Variants in PGBD2 observed in about 807,000 individuals in gnomAD.
The protein encoded by PGBD2 is piggyBac transposable element-derived protein 2.
In PGBD2, 6 loss-of-function variants were observed where a neutral mutation model predicts 8.1. That is an observed-to-expected ratio of 0.74 (90% CI 0.40 to 1.46). The LOEUF (loss-of-function observed/expected upper bound fraction) is 1.46. PGBD2 is among the 40% of genes most tolerant of loss of function. PGBD2 has a pLI of 0.02. For synonymous variants in PGBD2, 318 were observed against 272.2 expected (o/e 1.17, Z -1.66); for missense variants, 802 against 739.0 (o/e 1.09, Z -0.99).
At chr1:248,913,415 T>G (rs1231882279) in intron 1 of PGBD2, among the ~76,000 whole-genome samples, 1 of 152,224 alleles carries the variant, frequency 6.6e-6, no homozygotes, top group Non-Finnish European at 1.5e-5. Flanking sequence ...GTAGTTCATT[T>G]TTTTAAACTT....
chr1:248,888,038 A>T, the PGBD2 span, among the ~76,000 whole-genome samples: 1 of 152,172 alleles, frequency 6.6e-6, no homozygotes, highest in Non-Finnish European at 1.5e-5. Context: ...GTGTTAATTC[A>T]CTTAGGATAA....
At chr1:248,922,000 G>T (rs1405263099), downstream of PGBD2, among the ~76,000 whole-genome samples, 1 of 151,924 alleles carries the variant, frequency 6.6e-6, no homozygotes, top group Non-Finnish European at 1.5e-5. Context: ...AGACTTTGCT[G>T]ATGTTGCCTA....
At chr1:248,900,406 G>A in the PGBD2 span, among the ~76,000 whole-genome samples, 54 of 152,288 alleles carry the variant, frequency 3.5e-4, no homozygotes, top group African/African-American at 1.2e-3. Flanking sequence ...TGATCAAGTT[G>A]TCTTCATCCC....
chr1:248,916,956 G>T lies in PGBD2; in HGVS notation c.372G>T (p.Trp124Cys). The T allele has an allele frequency of 6.2e-7, 1 of 1,613,494 alleles. No homozygotes were observed. The highest frequency in any genetic ancestry group is 8.5e-7 in the Non-Finnish European group (1 of 1,179,740). The part of the protein sequence containing the change: ...KRDIRPDFGS[W>C]TASDPHIEDL... ...ATATTCGTCCAGACTTTGGCAGTTGGACTGCATCAGATCCTCATATTGAGG... is the reference window on the plus strand; with the variant it reads ...ATATTCGTCCAGACTTTGGCAGTTGTACTGCATCAGATCCTCATATTGAGG... Residue 124 changes from tryptophan (W) to cysteine (C), a missense_variant, in exon 3 of 3, where the codon TGG becomes TGT. By Grantham distance (215) the Trp-to-Cys change is radical. Coordinates refer to ENST00000329291, the MANE Select transcript of PGBD2 (RefSeq NM_170725.3).
upstream of PGBD2, among the ~76,000 whole-genome samples, chr1:248,902,854 C>A (rs1246801811): frequency 1.3e-5 from 2 of 152,178 alleles, no homozygotes; most frequent in African/African-American, 4.8e-5. Flanking sequence ...ACAGTGGGGC[C>A]TGTCAGGGAC....
chr1:248,893,922 A>G, the PGBD2 span, among the ~76,000 whole-genome samples: 2 of 151,864 alleles, frequency 1.3e-5, no homozygotes, highest in Admixed American at 6.6e-5. Flanking sequence ...TTGTTAATTG[A>G]TTGATTGATT....
At chr1:248,893,467 G>A in the PGBD2 span, among the ~76,000 whole-genome samples, 3 of 152,154 alleles carry the variant, frequency 2.0e-5, no homozygotes, top group Non-Finnish European at 4.4e-5. Context: ...GAGGAATCAG[G>A]CAGTATCTGT....
chr1:248,928,318 T>C, the PGBD2 span, among the ~76,000 whole-genome samples: 1 of 152,212 alleles, frequency 6.6e-6, no homozygotes, highest in Non-Finnish European at 1.5e-5. Context: ...ACAAAGCCAC[T>C]TCCTTATGGA....
chr1:248,892,388 T>C, the PGBD2 span, among the ~76,000 whole-genome samples: 1 of 151,712 alleles, frequency 6.6e-6, no homozygotes, highest in South Asian at 2.1e-4. Flanking sequence ...GTAACGGTCA[T>C]AGAGGGACTT....
chr1:248,923,750 G>A (rs781140254), downstream of PGBD2, among the ~76,000 whole-genome samples: 5 of 152,196 alleles, frequency 3.3e-5, no homozygotes, highest in Admixed American at 1.3e-4. Context: ...AGTCCAAGAT[G>A]CAGGACTTTG....
chr1:248,922,883 G>A (rs182342150), downstream of PGBD2, among the ~76,000 whole-genome samples: 187 of 152,230 alleles, frequency 1.2e-3, no homozygotes, highest in African/African-American at 4.4e-3. Context: ...GGATTTTTGC[G>A]TTGATGTTCA....
At chr1:248,896,451 C>A in the PGBD2 span, among the ~76,000 whole-genome samples, 6 of 152,060 alleles carry the variant, frequency 3.9e-5, no homozygotes, top group Middle Eastern at 3.4e-3. Context: ...TATGGATATT[C>A]TTTTTCTTTT....
chr1:248,917,466 C>A lies in PGBD2; in HGVS notation c.882C>A (p.Tyr294Ter), dbSNP rs1444330934. Residue 294 changes from tyrosine (Y) to a stop codon, truncating the protein, a stop_gained, in exon 3 of 3, where the codon TAC becomes TAA. Transcript: ENST00000329291. LOFTEE classifies it low-confidence loss of function (END_TRUNC). ...GGGGGAAGCCTGTGCGACTTGGCTA[C>A]AAGATTTGGTGTGGGACAACCAGCA... ...LHRGKPVRLGYKIWCGTTSRG... is the reference protein window; with the variant it reads ...LHRGKPVRLG The A allele has an allele frequency of 6.2e-7, 1 of 1,614,036 alleles. No individual in the cohort carries two copies. The highest frequency in any genetic ancestry group is 8.5e-7 in the Non-Finnish European group (1 of 1,180,024).
upstream of PGBD2, among the ~76,000 whole-genome samples, chr1:248,902,112 T>G (rs1558281723): frequency 6.6e-6 from 1 of 151,816 alleles, no homozygotes; most frequent in African/African-American, 2.4e-5. Flanking sequence ...CTACTAACAT[T>G]ACAAAAAATA....
At chr1:248,920,889 G>A (rs1662272307), downstream of PGBD2, among the ~76,000 whole-genome samples, 1 of 152,132 alleles carries the variant, frequency 6.6e-6, no homozygotes, top group South Asian at 2.1e-4. Context: ...TTTATCTAAT[G>A]ACCAGTGATG....
chr1:248,924,487 C>T (rs768824229), downstream of PGBD2, among the ~76,000 whole-genome samples: 15 of 152,112 alleles, frequency 9.9e-5, no homozygotes, highest in South Asian at 2.1e-4. Context: ...TTTAGAGGCA[C>T]AGACTTCTCA....
At chr1:248,903,719 C>G (rs138354668), upstream of PGBD2, among the ~76,000 whole-genome samples, 459 of 152,284 alleles carry the variant, frequency 3.0e-3, 3 homozygotes, top group African/African-American at 0.011. Flanking sequence ...CACCTGATAT[C>G]TCTAGTAATT....
chr1:248,914,898 TCTC>T (rs757382513), intron 2 of PGBD2, among the ~76,000 whole-genome samples: 2 of 152,180 alleles, frequency 1.3e-5, no homozygotes, highest in Admixed American at 6.5e-5. Flanking sequence ...GCCTCGCTGA[TCTC>T]CTTGCCGTTC....
At chr1:248,904,935 C>G (rs575063489), upstream of PGBD2, among the ~76,000 whole-genome samples, 1 of 152,210 alleles carries the variant, frequency 6.6e-6, no homozygotes, top group East Asian at 1.9e-4. Context: ...TGTGCCTTTT[C>G]TTTTTCACTG....
Sources: gnomAD v4.1 joint callset for allele counts (sites outside exome capture counted in the v4.1 genomes callset) on GRCh38, gnomAD v4.1.1 for gene constraint, MANE v1.5 for transcripts, NCBI Gene and HGNC (gene_info 2026-07-23, HGNC 2026-07-21) for gene names.